The following FNIP2 variants were observed in gnomAD, a reference collection of about 807,000 sequenced individuals.
The protein encoded by FNIP2 is folliculin interacting protein 2.
In FNIP2, 32 loss-of-function variants were observed where a neutral mutation model predicts 108.7. The ratio of observed to expected loss-of-function variants is 0.29; its 90% confidence interval spans 0.22 to 0.40. The LOEUF is 0.40. Ranked by LOEUF, FNIP2 falls within the 10% of genes least tolerant of loss-of-function variation. The pLI is 1.00. For missense variants in FNIP2, 1,202 were observed against 1,381.6 expected, an observed-to-expected ratio of 0.87 and a Z score of 2.06; for synonymous variants, 480 against 496.7, an observed-to-expected ratio of 0.97 and a Z score of 0.45.
chr4:158,827,437 A>G (rs983964526), intron 2 of FNIP2, among the ~76,000 whole-genome samples: 2 of 152,214 alleles, frequency 1.3e-5, no homozygotes, highest in Admixed American at 6.5e-5. Flanking sequence ...GAATCTGGAA[A>G]CATAGGCTTT....
intron 14 of FNIP2, among the ~76,000 whole-genome samples, chr4:158,871,009 C>A (rs540969262): frequency 1.3e-5 from 2 of 152,202 alleles, no homozygotes; most frequent in African/African-American, 4.8e-5. Flanking sequence ...AATTATATGC[C>A]GTCACGGTGA....
intron 16 of FNIP2, 87 bp from the exon 17 acceptor site, chr4:158,904,379 A>G: frequency 8.2e-7 from 1 of 1,225,396 alleles, no homozygotes; most frequent in Non-Finnish European, 1.2e-6. Context: ...GTACCTAGAA[A>G]TAATACTTTC....
intron 7 of FNIP2, among the ~76,000 whole-genome samples, chr4:158,844,276 GA>G (rs1323221265): frequency 3.3e-5 from 5 of 152,128 alleles, no homozygotes; most frequent in Admixed American, 6.5e-5. Context: ...ATATTTGAAT[GA>G]GGGGGGGAAA....
intron 1 of FNIP2, among the ~76,000 whole-genome samples, chr4:158,780,356 T>G (rs1267281131): frequency 1.3e-5 from 2 of 152,202 alleles, no homozygotes; most frequent in Non-Finnish European, 2.9e-5. Flanking sequence ...CTTTTAGAAA[T>G]CTTTTAGAAT....
intron 14 of FNIP2, among the ~76,000 whole-genome samples, chr4:158,885,817 A>T (rs1781997150): frequency 6.6e-6 from 1 of 152,230 alleles, no homozygotes; most frequent in South Asian, 2.1e-4. Flanking sequence ...ATTCAAGCCC[A>T]ATCTGACTTC....
At chr4:158,816,996 G>T (rs996106556) in intron 1 of FNIP2, among the ~76,000 whole-genome samples, 3 of 152,104 alleles carry the variant, frequency 2.0e-5, no homozygotes, top group Admixed American at 6.5e-5. Flanking sequence ...TTCTATGGGG[G>T]TTTTTTGTTT....
Position 158,870,416 on chromosome 4 carries a change from A to G in FNIP2, c.2896A>G (p.Ser966Gly). ...MPDLVLHGTG[S>G]DEKLKQCLVA... is the part of the protein sequence containing the mutation. ...TGATCTTGTGCTTCATGGGACCGGCAGTGATGAGAAGCTGAAGCAGTGCCT... is the reference window on the plus strand; with the variant it reads ...TGATCTTGTGCTTCATGGGACCGGCGGTGATGAGAAGCTGAAGCAGTGCCT... The change falls in exon 14 of 17, where the codon AGT becomes GGT. Residue 966 changes from serine (S) to glycine (G), a missense_variant. By Grantham distance (56) the Ser-to-Gly change is moderately conservative (BLOSUM62 0). Coordinates refer to ENST00000264433, the MANE Select transcript of FNIP2 (RefSeq NM_020840.3). The G allele has an allele frequency of 5.6e-6, 9 of 1,613,992 alleles. No individual in the cohort carries two copies. Among genetic ancestry groups the G allele is most frequent in the Non-Finnish European group, 7.6e-6 (9 of 1,179,880 alleles).
chr4:158,769,167 C>A lies in FNIP2; in HGVS notation c.-46C>A. 1 of 1,065,112 alleles carries A rather than the reference C, an allele frequency of 9.4e-7. No individual in the cohort carries two copies. The highest frequency in any genetic ancestry group is 1.2e-6 in the Non-Finnish European group (1 of 852,966). 66.0% of individuals were successfully genotyped at this position (1,065,112 alleles called of 1,614,324 possible). On this transcript the variant is annotated 5_prime_UTR_variant, in exon 1 of 17. Coordinates refer to ENST00000264433, the MANE Select transcript of FNIP2 (RefSeq NM_020840.3). ...CCGCCGCCCCCGGCTGCGCGCTGAG[C>A]CGCCGGCCCCCCGAGCGCCACGGCC...
At chr4:158,839,669 C>T (rs1315453321) in intron 7 of FNIP2, among the ~76,000 whole-genome samples, 3 of 152,322 alleles carry the variant, frequency 2.0e-5, no homozygotes, top group Non-Finnish European at 4.4e-5. Flanking sequence ...CACCCCACAA[C>T]TTCATTTATT....
chr4:158,832,308 G>T (rs2126589241), intron 5 of FNIP2, among the ~76,000 whole-genome samples, 170 bp downstream of exon 5: 1 of 152,292 alleles, frequency 6.6e-6, no homozygotes, highest in South Asian at 2.1e-4. Flanking sequence ...AGTGGGAAAA[G>T]ACCTTTGACT....
chr4:158,803,190 C>G (rs1411996936), intron 1 of FNIP2, among the ~76,000 whole-genome samples: 2 of 152,022 alleles, frequency 1.3e-5, no homozygotes, highest in Non-Finnish European at 2.9e-5. Context: ...TTTGGATAAC[C>G]CAAATTATCT....
chr4:158,769,129 C>A lies in FNIP2; in HGVS notation c.-84C>A. ...TGGGCGGCCGCGCCGCCGCGATGGC[C>A]CCGCCACCGCGGCCGCCGCCCCCGG... On this transcript the variant is annotated 5_prime_UTR_variant, in exon 1 of 17. Coordinates refer to ENST00000264433, the MANE Select transcript of FNIP2 (RefSeq NM_020840.3). 1.9e-6 allele frequency: 1 copy of A among 517,522 alleles called. No individual in the cohort carries two copies. Among genetic ancestry groups the A allele is most frequent in the Non-Finnish European group, 2.5e-6 (1 of 404,748 alleles). 32.1% of individuals were successfully genotyped at this position (517,522 alleles called of 1,614,324 possible). A position where few individuals can be genotyped will look rare whatever the true frequency, so the allele number is the denominator to read the frequency against.
chr4:158,903,718 A>G (rs1045715423), intron 16 of FNIP2, among the ~76,000 whole-genome samples: 1 of 152,170 alleles, frequency 6.6e-6, no homozygotes, highest in African/African-American at 2.4e-5. Flanking sequence ...AGAAAACCCC[A>G]TGAGGTAATG....
chr4:158,907,021 T>G lies in FNIP2; in HGVS notation c.*2477T>G, dbSNP rs1428228825. On this transcript the variant is annotated 3_prime_UTR_variant, in exon 17 of 17. Transcript: ENST00000264433. ...CCACCTTTAGGGTTTCTTCAACTTT[T>G]AAGTCTTACCTGTTGAGTGTAACTT... 1.3e-5 allele frequency: 2 copies of G among 152,274 alleles called. No individual in the cohort carries two copies. Among genetic ancestry groups the G allele is most frequent in the African/African-American group, 4.8e-5 (2 of 41,474 alleles). 9.4% of individuals were successfully genotyped at this position (152,274 alleles called of 1,614,324 possible).
chr4:158,861,733 G>C lies in FNIP2; in HGVS notation c.1422G>C (p.Met474Ile). Residue 474 changes from methionine to isoleucine, a missense_variant, in exon 12 of 17, where the codon ATG becomes ATC. Met to Ile is a conservative substitution (Grantham distance 10). This residue lies in a region of FNIP2 where 878 missense variants were observed against 990.3 expected (regional missense o/e 0.89). Transcript: ENST00000264433. ...SEKRTSQSVN[M>I]LAKTHPYNPL... The stretch of plus-strand genomic sequence containing the variant: ...AACGTACCTCCCAGTCAGTGAACAT[G>C]CTGGCCAAAACACATCCGTATAATC... 6.2e-7 allele frequency: 1 copy of C among 1,614,014 alleles called. No homozygotes were observed. The highest frequency in any genetic ancestry group is 8.5e-7 in the Non-Finnish European group (1 of 1,179,896).
chr4:158,848,944 G>A lies in FNIP2; in HGVS notation c.728-2377G>A, dbSNP rs966281144. On this transcript the variant is annotated intron_variant, in intron 7 of 16. Transcript: ENST00000264433. ...GATTTGATGAAGGAGTGGGTAGCCA[G>A]GTAGAATTGTAATTGGACAAAAGGG... Among the ~76,000 whole-genome samples the A allele has an allele frequency of 8.5e-5, 13 of 152,148 alleles. 1 individual carries two copies. In the South Asian group the frequency reaches 2.7e-3, roughly 32 times the overall value.
chr4:158,792,033 G>A (rs557213412), intron 1 of FNIP2, among the ~76,000 whole-genome samples: 188 of 152,236 alleles, frequency 1.2e-3, no homozygotes, highest in Non-Finnish European at 2.2e-3. Context: ...GAGCCTAGGA[G>A]GTTGAAGCTA....
At chr4:158,804,911 A>G (rs1776889844) in intron 1 of FNIP2, among the ~76,000 whole-genome samples, 1 of 152,186 alleles carries the variant, frequency 6.6e-6, no homozygotes, top group African/African-American at 2.4e-5. Flanking sequence ...GCCACAGAGA[A>G]TTCAAGTTGT....
intron 12 of FNIP2, among the ~76,000 whole-genome samples, chr4:158,863,254 A>G (rs1246255037): frequency 2.6e-5 from 4 of 152,258 alleles, no homozygotes; most frequent in East Asian, 3.8e-4. Flanking sequence ...GGGGCCTTCA[A>G]TAATTTGACA....
Sources: gnomAD v4.1 joint callset for allele counts (sites outside exome capture counted in the v4.1 genomes callset) on GRCh38, gnomAD v4.1.1 for gene constraint, gnomAD v4.1.1 regional missense constraint, MANE v1.5 for transcripts, NCBI Gene and HGNC (gene_info 2026-07-23, HGNC 2026-07-21) for gene names.